USP48: variants seen among roughly 807,000 people sequenced by gnomAD.
The protein encoded by USP48 is ubiquitin specific peptidase 48.
In USP48, 43 loss-of-function variants were observed where a neutral mutation model predicts 150.7. The observed-to-expected ratio is 0.29, with a 90% CI of 0.22 to 0.37. The LOEUF is 0.37. Among genes scored for constraint, USP48 ranks in the 10% least tolerant of loss-of-function variants. USP48 has a pLI of 1.00. For synonymous variants in USP48, 396 were observed against 425.9 expected (o/e 0.93, Z 0.86); for missense variants, 813 against 1,249.6 (o/e 0.65, Z 5.27).
intron 25 of USP48, 92 bp downstream of exon 25, chr1:21,687,099 G>C: frequency 8.1e-7 from 1 of 1,229,046 alleles, no homozygotes; most frequent in Non-Finnish European, 1.2e-6. Context: ...AAGGTTCAAA[G>C]TAAAAGCACT....
At chr1:21,768,022 A>G (rs1383114583) in intron 1 of USP48, among the ~76,000 whole-genome samples, 1 of 152,098 alleles carries the variant, frequency 6.6e-6, no homozygotes, top group African/African-American at 2.4e-5. Flanking sequence ...CCTGGCTAAC[A>G]TGGTGAAACC....
intron 8 of USP48, among the ~76,000 whole-genome samples, chr1:21,742,480 G>A (rs1323464628): frequency 1.3e-5 from 2 of 151,342 alleles, no homozygotes; most frequent in Non-Finnish European, 2.9e-5. Context: ...GGAGGCGGAG[G>A]TTGCGGTGAG....
chr1:21,779,511 A>G (rs2097909289), intron 1 of USP48, among the ~76,000 whole-genome samples: 1 of 151,974 alleles, frequency 6.6e-6, no homozygotes, highest in African/African-American at 2.4e-5. Flanking sequence ...GCGCCACTGC[A>G]CTCCAGCCTG....
At chr1:21,751,437 CAG>C (rs1318847110) in intron 6 of USP48, 68 bp downstream of exon 6, 32 of 1,185,056 alleles carry the variant, frequency 2.7e-5, no homozygotes, top group Non-Finnish European at 4.0e-5. Context: ...TAAATCAAAA[CAG>C]AATAGCATTC....
At chr1:21,711,546 C>T (rs564513005) in intron 15 of USP48, among the ~76,000 whole-genome samples, 1 of 152,306 alleles carries the variant, frequency 6.6e-6, no homozygotes, top group African/African-American at 2.4e-5. Flanking sequence ...ACTCCTAAGT[C>T]CTCTTCTTTC....
At chr1:21,732,059 T>C (rs1162913150) in intron 9 of USP48, among the ~76,000 whole-genome samples, 1 of 152,116 alleles carries the variant, frequency 6.6e-6, no homozygotes, top group African/African-American at 2.4e-5. Flanking sequence ...CGGCGGATCA[T>C]TTGAGATCAG....
Position 21,729,756 on chromosome 1 carries a change from C to T in USP48, c.1248G>A (p.Leu416=), listed in dbSNP as rs1395010091. 5 of 1,614,046 alleles carry T rather than the reference C, an allele frequency of 3.1e-6. No individual in the cohort carries two copies. ...GTHCSRNAYM[L]VYRLQTQEKP... ...TTTCTTGAGTTTGCAGTCTATAAAC[C>T]AACATATATGCATTTCGAGAGCAAT... The change falls in exon 10 of 27, where the codon TTG becomes TTA. Residue 416 remains leucine (L), a synonymous_variant. Coordinates refer to ENST00000308271, the MANE Select transcript of USP48 (RefSeq NM_032236.8).
chr1:21,729,780 A>T lies in USP48; in HGVS notation c.1224T>A (p.His408Gln). The T allele has an allele frequency of 1.2e-6, 2 of 1,614,144 alleles. No homozygotes were observed. Among genetic ancestry groups the T allele is most frequent in the Non-Finnish European group, 1.7e-6 (2 of 1,179,996 alleles). ...TRKPKCGKGT[H>Q]CSRNAYMLVY... Reference sequence around the variant, plus strand: ...CCAACATATATGCATTTCGAGAGCAATGAGTTCCTTTGCCACACTTGGGTT... The same window carrying T: ...CCAACATATATGCATTTCGAGAGCATTGAGTTCCTTTGCCACACTTGGGTT... Residue 408 changes from histidine (H) to glutamine (Q), a missense_variant, in exon 10 of 27, where the codon CAT becomes CAA. Transcript: ENST00000308271.
chr1:21,730,935 A>AT (rs2097755364), intron 9 of USP48, among the ~76,000 whole-genome samples: 1 of 151,524 alleles, frequency 6.6e-6, no homozygotes, highest in African/African-American at 2.4e-5. Flanking sequence ...TAATTTTTGT[A>AT]TTTTTAGTAG....
chr1:21,692,536 C>A (rs182012925), intron 23 of USP48, among the ~76,000 whole-genome samples: 1 of 152,314 alleles, frequency 6.6e-6, no homozygotes. Context: ...ACAAGTGCCA[C>A]AACTAAGGGG....
chr1:21,714,333 C>T (rs936341425), intron 15 of USP48, among the ~76,000 whole-genome samples: 29 of 152,132 alleles, frequency 1.9e-4, no homozygotes, highest in Non-Finnish European at 4.0e-4. Context: ...TGGAGTGCAG[C>T]GTCGTGATCA....
At chr1:21,717,066 T>G (rs976207004) in intron 14 of USP48, among the ~76,000 whole-genome samples, 4 of 101,334 alleles carry the variant, frequency 3.9e-5, no homozygotes, top group Non-Finnish European at 9.0e-5. Flanking sequence ...CTTCACACAT[T>G]TTTACTACAA....
At chr1:21,679,718 A>T (rs1247413489) in intron 26 of USP48, among the ~76,000 whole-genome samples, 1 of 152,164 alleles carries the variant, frequency 6.6e-6, no homozygotes, top group Non-Finnish European at 1.5e-5. Context: ...TTCTTTTCTG[A>T]GAGTTTCACT....
intron 21 of USP48, among the ~76,000 whole-genome samples, chr1:21,702,581 C>G (rs1241756126): frequency 6.6e-6 from 1 of 151,518 alleles, no homozygotes; most frequent in Non-Finnish European, 1.5e-5. Flanking sequence ...TTTTTTTAAA[C>G]TATAAATCAG....
At chr1:21,723,874 AAC>A (rs915753132) in intron 12 of USP48, 22 bp downstream of exon 12, 2 of 1,597,076 alleles carry the variant, frequency 1.3e-6, no homozygotes, top group Non-Finnish European at 1.7e-6. Flanking sequence ...CTCTTTTTTA[AAC>A]AGAGAGGACA....
chr1:21,701,064 C>CAAA (rs11311453), intron 22 of USP48, among the ~76,000 whole-genome samples: 5 of 60,494 alleles, frequency 8.3e-5, no homozygotes, highest in African/African-American at 2.5e-4. Context: ...GGATCCATCT[C>CAAA]AAAAAAAAAA....
chr1:21,749,106 A>C (rs2097802564), intron 6 of USP48, among the ~76,000 whole-genome samples: 1 of 152,242 alleles, frequency 6.6e-6, no homozygotes, highest in African/African-American at 2.4e-5. Flanking sequence ...TTATATTTCT[A>C]TAAAGCTAAT....
chr1:21,771,165 C>T (rs921393253), intron 1 of USP48, among the ~76,000 whole-genome samples: 5 of 151,372 alleles, frequency 3.3e-5, no homozygotes, highest in African/African-American at 9.7e-5. Flanking sequence ...AGTAAATTTT[C>T]GAAATCAAGA....
intron 16 of USP48, 43 bp downstream of exon 16, chr1:21,706,701 G>C (rs760103272): frequency 6.2e-7 from 1 of 1,610,070 alleles, no homozygotes; most frequent in Non-Finnish European, 8.5e-7. Context: ...TCAACCCAGG[G>C]AGGTGGCATG....
Sources: allele counts gnomAD v4.1 joint callset (sites outside exome capture counted in the v4.1 genomes callset), GRCh38; gene constraint gnomAD v4.1.1; transcripts MANE v1.5; gene names NCBI Gene and HGNC (gene_info 2026-07-23, HGNC 2026-07-21).